LRRTM4: variants seen among roughly 807,000 people sequenced by gnomAD.
LRRTM4 encodes the protein leucine-rich repeat transmembrane neuronal protein 4.
LRRTM4 carries 25 observed loss-of-function variants against 47.6 expected under a neutral mutation model. The observed-to-expected ratio is 0.53, with a 90% CI of 0.38 to 0.73. The LOEUF (loss-of-function observed/expected upper bound fraction) is 0.73. LRRTM4 is among the 30% of genes least tolerant of loss of function. The pLI, the probability that LRRTM4 is intolerant of heterozygous loss-of-function variation, is 0.00. For synonymous variants in LRRTM4, 311 were observed against 269.5 expected, an observed-to-expected ratio of 1.15 and a Z score of -1.51; for missense variants, 638 against 713.4, an observed-to-expected ratio of 0.89 and a Z score of 1.20.
intron 3 of LRRTM4, among the ~76,000 whole-genome samples, chr2:76,823,662 T>G (rs909589303): frequency 1.3e-5 from 2 of 151,402 alleles, no homozygotes; most frequent in Non-Finnish European, 3.0e-5. Flanking sequence ...TTCCGTTCAT[T>G]GAGAATGAGA....
intron 3 of LRRTM4, among the ~76,000 whole-genome samples, chr2:77,468,463 A>C (rs1677064456): frequency 1.3e-5 from 2 of 152,218 alleles, no homozygotes; most frequent in South Asian, 4.1e-4. Context: ...GGTATGCTTC[A>C]AGTGTTTTTG....
chr2:76,989,159 T>C (rs949858264), intron 3 of LRRTM4, among the ~76,000 whole-genome samples: 1 of 151,864 alleles, frequency 6.6e-6, no homozygotes, highest in African/African-American at 2.4e-5. Flanking sequence ...TTCTCAATTG[T>C]TTTTCAATTG....
intron 3 of LRRTM4, among the ~76,000 whole-genome samples, chr2:77,515,275 GCA>G (rs1470749555): frequency 2.6e-5 from 4 of 151,710 alleles, no homozygotes; most frequent in Non-Finnish European, 5.9e-5. Context: ...AATGGTATGT[GCA>G]CACAGACTTT....
At chr2:77,245,517 CAAA>C (rs770133274) in intron 3 of LRRTM4, among the ~76,000 whole-genome samples, 12,744 of 86,188 alleles carry the variant, frequency 0.15, 529 homozygotes, top group East Asian at 0.34. Flanking sequence ...GACACTGCCT[CAAA>C]AAAAAAAAAA....
At chr2:76,941,379 T>C (rs1021404512) in intron 3 of LRRTM4, among the ~76,000 whole-genome samples, 4 of 152,140 alleles carry the variant, frequency 2.6e-5, no homozygotes, top group African/African-American at 7.2e-5. Flanking sequence ...GTTTGTTACA[T>C]AGGTATACAT....
At chr2:77,163,483 A>G (rs907016363) in intron 3 of LRRTM4, among the ~76,000 whole-genome samples, 2 of 152,218 alleles carry the variant, frequency 1.3e-5, no homozygotes, top group African/African-American at 2.4e-5. Context: ...GAACTCCACA[A>G]AGATACTCCT....
chr2:77,050,850 G>A (rs1220269045), intron 3 of LRRTM4, among the ~76,000 whole-genome samples: 1 of 152,050 alleles, frequency 6.6e-6, no homozygotes, highest in Non-Finnish European at 1.5e-5. Context: ...TTATCAGCCA[G>A]AGTAAGAACT....
intron 3 of LRRTM4, among the ~76,000 whole-genome samples, chr2:77,439,832 T>C (rs72921928): frequency 0.038 from 5,765 of 152,148 alleles, 371 homozygotes; most frequent in African/African-American, 0.13. Context: ...CAAAACTATG[T>C]AAACGGCAAT....
At chr2:77,212,234 T>C (rs1674312363) in intron 3 of LRRTM4, among the ~76,000 whole-genome samples, 1 of 151,372 alleles carries the variant, frequency 6.6e-6, no homozygotes, top group Admixed American at 6.6e-5. Context: ...ACTATGTTAT[T>C]AATGAAATAA....
rs559170857 is a variant in LRRTM4 at position 76,874,782 on chromosome 2, A to G, written c.1552-125866T>C. On this transcript the variant is annotated intron_variant, in intron 3 of 3. Coordinates refer to ENST00000409884, the MANE Select transcript of LRRTM4 (RefSeq NM_001134745.3). ...AGGCTCTTGATACTAGACCCTGGCT[A>G]TTTTTTTGGAGAGATCAGTGATCTA... 6.6e-5 allele frequency among the ~76,000 whole-genome samples: 10 copies of G among 151,866 alleles called. No homozygotes were observed. In the South Asian group the frequency reaches 1.9e-3, roughly 28 times the overall value.
chr2:77,346,215 A>T (rs1026533929), intron 3 of LRRTM4, among the ~76,000 whole-genome samples: 1 of 152,054 alleles, frequency 6.6e-6, no homozygotes, highest in Non-Finnish European at 1.5e-5. Flanking sequence ...AAGTTGATAC[A>T]ATAATAGGCA....
At chr2:76,848,559 C>A (rs996302708) in intron 3 of LRRTM4, among the ~76,000 whole-genome samples, 1 of 151,856 alleles carries the variant, frequency 6.6e-6, no homozygotes. Context: ...AAAATTAATT[C>A]AAAAAATGGA....
chr2:77,477,955 GAAAGAAAGAAAGAAAA>G (rs1558762044), intron 3 of LRRTM4, among the ~76,000 whole-genome samples: 1 of 112,952 alleles, frequency 8.9e-6, no homozygotes, highest in Non-Finnish European at 2.0e-5. Context: ...AAGAAAGAAA[GAAAGAAAGAAAGAAAA>G]AGAAAAAAAG....
intron 3 of LRRTM4, among the ~76,000 whole-genome samples, chr2:76,911,115 T>C (rs556046794): frequency 5.3e-5 from 8 of 152,182 alleles, no homozygotes; most frequent in African/African-American, 1.9e-4. Flanking sequence ...TAAAACATAT[T>C]TTTTGGTTTA....
intron 3 of LRRTM4, among the ~76,000 whole-genome samples, chr2:77,436,138 C>T (rs1922807): frequency 0.58 from 87,450 of 151,894 alleles, 25,483 homozygotes; most frequent in African/African-American, 0.68. Context: ...ACCAAAATTA[C>T]TGAATCATCT....
chr2:77,060,633 A>T (rs1679756157), intron 3 of LRRTM4, among the ~76,000 whole-genome samples: 1 of 152,164 alleles, frequency 6.6e-6, no homozygotes, highest in Admixed American at 6.5e-5. Flanking sequence ...TTAAGGGAAT[A>T]TCTATATATG....
At chr2:77,307,165 G>T (rs1677304755) in intron 3 of LRRTM4, among the ~76,000 whole-genome samples, 1 of 151,832 alleles carries the variant, frequency 6.6e-6, no homozygotes, top group South Asian at 2.1e-4. Flanking sequence ...CTCCCAAAGT[G>T]CTGGGATTAC....
At chr2:76,892,894 A>G (rs1449666599) in intron 3 of LRRTM4, among the ~76,000 whole-genome samples, 2 of 151,634 alleles carry the variant, frequency 1.3e-5, no homozygotes, top group African/African-American at 2.4e-5. Flanking sequence ...GTGGTAAGAA[A>G]CATTGAAACT....
intron 3 of LRRTM4, among the ~76,000 whole-genome samples, chr2:77,055,704 G>C (rs112191039): frequency 0.022 from 3,408 of 151,988 alleles, 59 homozygotes; most frequent in Non-Finnish European, 0.033. Flanking sequence ...ATACCCAAAG[G>C]ACTATAAATC....
Sources: gnomAD v4.1 joint callset for allele counts (sites outside exome capture counted in the v4.1 genomes callset) on GRCh38, gnomAD v4.1.1 for gene constraint, MANE v1.5 for transcripts, NCBI Gene and HGNC (gene_info 2026-07-23, HGNC 2026-07-21) for gene names.